The following DSCAM variants were observed in gnomAD, a reference collection of about 807,000 sequenced individuals.
The protein encoded by DSCAM is DS cell adhesion molecule.
A neutral mutation model predicts 217.7 loss-of-function variants in DSCAM; 47 were observed. The ratio of observed to expected loss-of-function variants is 0.22; its 90% CI spans 0.17 to 0.28. The LOEUF is 0.28. Ranked by LOEUF, DSCAM falls within the 10% of genes least tolerant of loss-of-function variation. The pLI, the probability that DSCAM is intolerant of heterozygous loss-of-function variation, is 1.00. For synonymous variants in DSCAM, 1,056 were observed against 1,015.3 expected (o/e 1.04, Z -0.76); for missense variants, 2,080 against 2,618.3 (o/e 0.79, Z 4.49).
At chr21:40,064,147 C>A in intron 27 of DSCAM, among the ~76,000 whole-genome samples, 1 of 149,324 alleles carries the variant, frequency 6.7e-6, no homozygotes, top group East Asian at 2.0e-4. Context: ...CTTATATATA[C>A]TTCATGTATG....
intron 1 of DSCAM, among the ~76,000 whole-genome samples, chr21:40,837,007 A>T (rs751021165): frequency 6.6e-6 from 1 of 152,196 alleles, no homozygotes; most frequent in Non-Finnish European, 1.5e-5. Flanking sequence ...GTTCTCCCTG[A>T]CCCAGAACAC....
intron 4 of DSCAM, among the ~76,000 whole-genome samples, chr21:40,357,752 C>A (rs980354303): frequency 1.3e-5 from 2 of 151,748 alleles, no homozygotes; most frequent in African/African-American, 2.4e-5. Flanking sequence ...AGGAGATATA[C>A]CTAATGTTAA....
intron 1 of DSCAM, among the ~76,000 whole-genome samples, chr21:40,749,203 A>G (rs778706949): frequency 5.9e-5 from 9 of 152,210 alleles, no homozygotes; most frequent in Non-Finnish European, 1.3e-4. Context: ...ACAGACAACA[A>G]GAGCAAAAAT....
intron 3 of DSCAM, among the ~76,000 whole-genome samples, chr21:40,538,285 A>C (rs1268187367): frequency 7.4e-6 from 1 of 134,920 alleles, no homozygotes; most frequent in Non-Finnish European, 1.5e-5. Flanking sequence ...ATCTGTATGA[A>C]TCCAAAGCTA....
intron 3 of DSCAM, among the ~76,000 whole-genome samples, chr21:40,659,929 A>G (rs2090121068): frequency 6.6e-6 from 1 of 152,264 alleles, no homozygotes; most frequent in Admixed American, 6.5e-5. Context: ...AAGAAATTGA[A>G]TGTGAATAAA....
At chr21:40,238,757 T>C (rs140129469) in intron 11 of DSCAM, among the ~76,000 whole-genome samples, 209 of 152,270 alleles carry the variant, frequency 1.4e-3, no homozygotes, top group African/African-American at 4.6e-3. Flanking sequence ...AACTATTCTT[T>C]TTGGTGACAG....
At chr21:40,788,822 T>C (rs2091614978) in intron 1 of DSCAM, among the ~76,000 whole-genome samples, 1 of 152,224 alleles carries the variant, frequency 6.6e-6, no homozygotes, top group African/African-American at 2.4e-5. Context: ...TTAAACCAGA[T>C]TATTGCAAGG....
chr21:40,762,461 C>T (rs2091345314), intron 1 of DSCAM, among the ~76,000 whole-genome samples: 1 of 152,146 alleles, frequency 6.6e-6, no homozygotes, highest in African/African-American at 2.4e-5. Flanking sequence ...GAAATTGAGG[C>T]AGTAAATCAA....
intron 32 of DSCAM, among the ~76,000 whole-genome samples, chr21:40,022,965 G>A (rs2146426161): frequency 6.6e-6 from 1 of 151,972 alleles, no homozygotes; most frequent in South Asian, 2.1e-4. Context: ...CTGGTGTGCT[G>A]CACCCATTAA....
chr21:40,609,475 G>A (rs982452338), intron 3 of DSCAM, among the ~76,000 whole-genome samples: 1 of 152,150 alleles, frequency 6.6e-6, no homozygotes, highest in African/African-American at 2.4e-5. Context: ...TCCTTTGCCT[G>A]GCTTTCTGTG....
intron 24 of DSCAM, among the ~76,000 whole-genome samples, chr21:40,083,011 AG>A (rs1848376127): frequency 6.6e-6 from 1 of 152,136 alleles, no homozygotes; most frequent in Admixed American, 6.5e-5. Context: ...AGGAAGTCTA[AG>A]CCCCTATTCT....
At chr21:40,017,775 T>C (rs1013380080) in intron 32 of DSCAM, among the ~76,000 whole-genome samples, 3 of 152,180 alleles carry the variant, frequency 2.0e-5, no homozygotes, top group South Asian at 4.1e-4. Flanking sequence ...TGGTCTCATA[T>C]TCCTGACCTC....
chr21:40,261,215 T>C (rs2073445260), intron 11 of DSCAM, among the ~76,000 whole-genome samples: 1 of 152,208 alleles, frequency 6.6e-6, no homozygotes, highest in Non-Finnish European at 1.5e-5. Flanking sequence ...GTTTGAATGT[T>C]TGTCCCCTCT....
chr21:40,510,588 G>A (rs909755790), intron 3 of DSCAM, among the ~76,000 whole-genome samples: 2 of 152,200 alleles, frequency 1.3e-5, no homozygotes, highest in Non-Finnish European at 2.9e-5. Flanking sequence ...TCAGCTAGGA[G>A]TTGGAAGGCC....
At chr21:40,429,550 G>C (rs1325100711) in intron 3 of DSCAM, among the ~76,000 whole-genome samples, 1 of 152,234 alleles carries the variant, frequency 6.6e-6, no homozygotes, top group East Asian at 1.9e-4. Context: ...TTACAGGCAT[G>C]AGCCACCAAG....
At chr21:40,681,062 G>A (rs1390506726) in intron 3 of DSCAM, among the ~76,000 whole-genome samples, 1 of 152,228 alleles carries the variant, frequency 6.6e-6, no homozygotes, top group Non-Finnish European at 1.5e-5. Flanking sequence ...GTAATCAAGG[G>A]TAACTTTTGA....
intron 6 of DSCAM, among the ~76,000 whole-genome samples, chr21:40,344,030 C>T (rs934433954): frequency 1.3e-5 from 2 of 152,076 alleles, no homozygotes. Context: ...CTGCCTGTAG[C>T]TGGGATTACA....
intron 1 of DSCAM, among the ~76,000 whole-genome samples, chr21:40,817,148 T>C (rs539578839): frequency 1.3e-5 from 2 of 152,056 alleles, no homozygotes; most frequent in African/African-American, 4.8e-5. Context: ...CAATTTCAGG[T>C]TTAATTAGGA....
intron 1 of DSCAM, among the ~76,000 whole-genome samples, chr21:40,734,796 G>A (rs1416892193): frequency 2.0e-5 from 3 of 152,118 alleles, no homozygotes; most frequent in Admixed American, 2.0e-4. Context: ...AGACTCTGAG[G>A]GTTGTTTTCC....
Sources: gnomAD v4.1 joint callset for allele counts (sites outside exome capture counted in the v4.1 genomes callset) on GRCh38, gnomAD v4.1.1 for gene constraint, MANE v1.5 for transcripts, NCBI Gene and HGNC (gene_info 2026-07-23, HGNC 2026-07-21) for gene names.